Variants in SNAP47 observed in about 807,000 individuals in gnomAD.
The protein encoded by SNAP47 is synaptosomal-associated protein 47.
SNAP47 carries 20 observed loss-of-function variants against 31.4 expected under a neutral mutation model. The observed-to-expected ratio is 0.64, with a 90% confidence interval of 0.45 to 0.93. The LOEUF is 0.93. Among genes scored for constraint, SNAP47 ranks in the 40% least tolerant of loss-of-function variants. The probability of loss-of-function intolerance (pLI) is 0.00; values close to 1 mark genes in which losing one functional copy is unlikely to be tolerated. For synonymous variants in SNAP47, 194 were observed against 213.4 expected, an observed-to-expected ratio of 0.91 and a Z score of 0.79; for missense variants, 492 against 528.5, an observed-to-expected ratio of 0.93 and a Z score of 0.68.
At chr1:227,772,107 T>C (rs574228982) in intron 4 of SNAP47, among the ~76,000 whole-genome samples, 1 of 152,268 alleles carries the variant, frequency 6.6e-6, no homozygotes, top group Admixed American at 6.5e-5. Flanking sequence ...AGGCCAAGTG[T>C]GCGGGGCAAG....
At chr1:227,730,582 G>C (rs1463781354), upstream of SNAP47, 2 of 152,226 alleles carry the variant, frequency 1.3e-5, no homozygotes, top group African/African-American at 2.4e-5. Flanking sequence ...TGCTGCATCT[G>C]TAACAGCCCC....
At position 227,759,125 on chromosome 1, in the gene SNAP47, C is replaced by T. The variant is rs1476945380; in HGVS notation, c.628C>T (p.Leu210=). ...TGAACCCTTTGGGAAAGAAGGGATACTGATAAAAATTCCTGCTGTTATTTC... is the reference window on the plus strand; with the variant it reads ...TGAACCCTTTGGGAAAGAAGGGATATTGATAAAAATTCCTGCTGTTATTTC... ...SCEPFGKEGI[L]IKIPAVISHR... The change falls in exon 3 of 5, where the codon CTG becomes TTG. Residue 210 remains leucine (L), a synonymous_variant. Transcript: ENST00000617596. 1.2e-6 allele frequency: 2 copies of T among 1,614,016 alleles called. No individual in the cohort carries two copies. The highest frequency in any genetic ancestry group is 2.2e-5 in the East Asian group (1 of 44,892).
intron 1 of SNAP47, among the ~76,000 whole-genome samples, chr1:227,737,733 G>C (rs1310882322): frequency 6.6e-6 from 1 of 152,100 alleles, no homozygotes; most frequent in East Asian, 1.9e-4. Context: ...GGGAGGACTA[G>C]GAGGAAAGTG....
intron 3 of SNAP47, among the ~76,000 whole-genome samples, chr1:227,764,327 C>T (rs1341612123): frequency 2.0e-5 from 3 of 152,222 alleles, no homozygotes; most frequent in Admixed American, 2.0e-4. Context: ...TGGCTTGAGG[C>T]GTAAGAATTC....
At chr1:227,780,089 G>A (rs1664375576) in intron 4 of SNAP47, among the ~76,000 whole-genome samples, 1 of 152,168 alleles carries the variant, frequency 6.6e-6, no homozygotes, top group East Asian at 1.9e-4. Flanking sequence ...GGACCCACAT[G>A]CAGACAGGTC....
At chr1:227,734,934 C>T (rs548818194), upstream of SNAP47, 1,055 of 1,515,442 alleles carry the variant, frequency 7.0e-4, 1 homozygote, top group Non-Finnish European at 8.9e-4. Context: ...CCTGGTGCCC[C>T]TCTCTAGGCG....
chr1:227,738,690 T>C (rs1263615517), intron 1 of SNAP47, among the ~76,000 whole-genome samples: 1 of 152,216 alleles, frequency 6.6e-6, no homozygotes, highest in Admixed American at 6.5e-5. Context: ...TTGGTTGTGG[T>C]GCATGCAGAT....
At chr1:227,745,384 C>G (rs1017064490) in intron 1 of SNAP47, among the ~76,000 whole-genome samples, 1 of 152,138 alleles carries the variant, frequency 6.6e-6, no homozygotes, top group African/African-American at 2.4e-5. Flanking sequence ...ACTTTCCAAA[C>G]GAAATAAAAT....
At chr1:227,749,316 G>C (rs918021583) in intron 2 of SNAP47, among the ~76,000 whole-genome samples, 5 of 152,056 alleles carry the variant, frequency 3.3e-5, no homozygotes, top group African/African-American at 9.7e-5. Context: ...GTGAGTCTTG[G>C]GGGGCTGCTT....
At chr1:227,732,577 C>T (rs776666772), upstream of SNAP47, 10 of 1,613,370 alleles carry the variant, frequency 6.2e-6, no homozygotes, top group Admixed American at 1.7e-5. Context: ...CCGTCCTCAG[C>T]GGCTGCCTCC....
At chr1:227,771,304 G>A (rs941269885) in intron 4 of SNAP47, among the ~76,000 whole-genome samples, 2 of 152,292 alleles carry the variant, frequency 1.3e-5, no homozygotes, top group Admixed American at 6.5e-5. Flanking sequence ...GAGCTAAGCC[G>A]CCATGTTTGG....
chr1:227,759,757 GT>G, intron 3 of SNAP47: 1 of 489,688 alleles, frequency 2.0e-6, no homozygotes, highest in Non-Finnish European at 3.6e-6. Context: ...TTTGGATACA[GT>G]TTATCCTCAC....
At chr1:227,738,057 T>C (rs535915971) in intron 1 of SNAP47, among the ~76,000 whole-genome samples, 128 of 152,258 alleles carry the variant, frequency 8.4e-4, no homozygotes, top group African/African-American at 3.0e-3. Context: ...TTTTTGCTGT[T>C]TTGAGACCGC....
chr1:227,733,501 C>T (rs1571963590), upstream of SNAP47: 1 of 1,594,984 alleles, frequency 6.3e-7, no homozygotes, highest in Non-Finnish European at 8.5e-7. Flanking sequence ...GGCCAGCAAG[C>T]TGGTTCCGTG....
At chr1:227,753,081 G>A (rs774162555) in intron 2 of SNAP47, among the ~76,000 whole-genome samples, 2 of 152,214 alleles carry the variant, frequency 1.3e-5, no homozygotes, top group Non-Finnish European at 2.9e-5. Context: ...AGCAATAATT[G>A]TGTTCAAGTA....
intron 4 of SNAP47, among the ~76,000 whole-genome samples, chr1:227,772,401 A>G (rs968470127): frequency 2.0e-5 from 3 of 147,398 alleles, no homozygotes; most frequent in Non-Finnish European, 3.0e-5. Flanking sequence ...GGTTCCTTAC[A>G]GCAGGGGAGT....
chr1:227,776,373 T>G (rs1019152722), intron 4 of SNAP47: 3 of 987,086 alleles, frequency 3.0e-6, no homozygotes, highest in Admixed American at 6.0e-5. Flanking sequence ...ATCAGGTAGT[T>G]TCTGTGGAGG....
chr1:227,730,289 A>T (rs1660556606), upstream of SNAP47: 1 of 152,168 alleles, frequency 6.6e-6, no homozygotes, highest in South Asian at 2.1e-4. Flanking sequence ...TGCTGACAGC[A>T]TGCCTCCCCA....
intron 2 of SNAP47, among the ~76,000 whole-genome samples, chr1:227,755,885 C>T (rs79283360): frequency 3.6e-4 from 55 of 152,324 alleles, no homozygotes; most frequent in African/African-American, 1.2e-3. Flanking sequence ...AGTGGCCCAA[C>T]GCCAGGGGGC....
Sources: gnomAD v4.1 joint callset for allele counts (sites outside exome capture counted in the v4.1 genomes callset) on GRCh38, gnomAD v4.1.1 for gene constraint, MANE v1.5 for transcripts, NCBI Gene and HGNC (gene_info 2026-07-23, HGNC 2026-07-21) for gene names.